GTF2H1: variants seen among roughly 807,000 people sequenced by gnomAD.
The protein encoded by GTF2H1 is BTF2 p62.
Under a neutral mutation model 71.2 loss-of-function variants are expected in GTF2H1, and 16 were observed. The observed-to-expected ratio is 0.22, with a 90% CI of 0.15 to 0.34. The LOEUF (loss-of-function observed/expected upper bound fraction) is 0.34, where lower values mean the gene tolerates loss of function less well. Among genes scored for constraint, GTF2H1 ranks in the 10% least tolerant of loss-of-function variants. The probability of loss-of-function intolerance (pLI) is 1.00; values close to 1 mark genes in which losing one functional copy is unlikely to be tolerated. For synonymous variants in GTF2H1, 215 were observed against 219.0 expected (o/e 0.98, Z 0.16); for missense variants, 498 against 648.2 (o/e 0.77, Z 2.52).
chr11:18,349,622 G>C (rs1231528882), intron 9 of GTF2H1, among the ~76,000 whole-genome samples: 2 of 152,204 alleles, frequency 1.3e-5, no homozygotes, highest in African/African-American at 4.8e-5. Context: ...GGCGGAGTTC[G>C]CAGTGAGCTG....
chr11:18,364,971 T>C (rs1329982140), intron 14 of GTF2H1, among the ~76,000 whole-genome samples: 3 of 151,398 alleles, frequency 2.0e-5, no homozygotes, highest in Non-Finnish European at 2.9e-5. Flanking sequence ...AGCTCACGCC[T>C]GTAATCCCAG....
In GTF2H1 at chr11:18,333,083, C is replaced by T. The variant is rs1864939319; in HGVS notation, c.9C>T (p.Thr3=). 3 of 1,610,318 alleles carry T rather than the reference C, an allele frequency of 1.9e-6. No homozygotes were observed. Among genetic ancestry groups the T allele is most frequent in the Admixed American group, 1.7e-5 (1 of 59,618 alleles). The change falls in exon 2 of 15, where the codon ACC becomes ACT. Residue 3 remains threonine (T), a synonymous_variant. Coordinates refer to ENST00000265963, the MANE Select transcript of GTF2H1 (RefSeq NM_005316.4). MA[T]SSEEVLLIVK... ...AGCACCTTCTAGCCACCATGGCAAC[C>T]TCATCTGAAGAAGTTTTGCTGATTG...
chr11:18,340,515 T>G (rs973370633), intron 5 of GTF2H1, among the ~76,000 whole-genome samples: 1 of 152,182 alleles, frequency 6.6e-6, no homozygotes, highest in Non-Finnish European at 1.5e-5. Flanking sequence ...CTTGAATTCC[T>G]GACCTCAAGT....
At chr11:18,358,780 C>G in intron 13 of GTF2H1, 140 bp downstream of exon 13, 1 of 597,278 alleles carries the variant, frequency 1.7e-6, no homozygotes, top group South Asian at 2.1e-5. Flanking sequence ...ATGTAAACCT[C>G]ACAGCATCTT....
chr11:18,351,772 G>C, intron 9 of GTF2H1, 109 bp from the exon 10 acceptor site: 1 of 620,380 alleles, frequency 1.6e-6, no homozygotes, highest in East Asian at 2.6e-5. Flanking sequence ...GAAGCTCATG[G>C]TGGGAAGACT....
chr11:18,341,640 AG>A, intron 7 of GTF2H1, 33 bp downstream of exon 7: 2 of 1,360,828 alleles, frequency 1.5e-6, no homozygotes, highest in Non-Finnish European at 2.0e-6. Flanking sequence ...TTGAGAGAAA[AG>A]AGTCTTTTCC....
chr11:18,362,692 A>G (rs1469732738), intron 14 of GTF2H1, among the ~76,000 whole-genome samples: 1 of 108,918 alleles, frequency 9.2e-6, no homozygotes, highest in African/African-American at 3.9e-5. Context: ...TTTTTTTGAG[A>G]TGGAGTCTAG....
At position 18,363,245 on chromosome 11, in the gene GTF2H1, G is replaced by A. The variant is rs140844608; in HGVS notation, c.1560+2538G>A. ...TTATATATATAAGTAGGAGTACACC[G>A]TAAATAATGATTTTAAAATACAGTA... On this transcript the variant is annotated intron_variant, in intron 14 of 14. Coordinates refer to ENST00000265963, the MANE Select transcript of GTF2H1 (RefSeq NM_005316.4). 3.2e-3 allele frequency among the ~76,000 whole-genome samples: 480 copies of A among 152,192 alleles called. 11 individuals carry two copies. The highest frequency in any genetic ancestry group is 0.029 in the Admixed American group (436 of 15,282).
intron 7 of GTF2H1, among the ~76,000 whole-genome samples, chr11:18,343,567 A>T (rs4150616): frequency 0.63 from 95,022 of 151,728 alleles, 31,152 homozygotes; most frequent in East Asian, 0.96. Context: ...AGATATGGGG[A>T]ACAGGGGAGG....
At chr11:18,326,111 C>G (rs1484449622) in intron 1 of GTF2H1, 4 of 152,220 alleles carry the variant, frequency 2.6e-5, no homozygotes, top group African/African-American at 9.6e-5. Context: ...ATTTACCAGG[C>G]AAATTAGCTG....
Position 18,333,098 on chromosome 11 carries a change from T to G in GTF2H1, c.24T>G (p.Val8=), listed in dbSNP as rs769876970. The G allele has an allele frequency of 1.2e-6, 2 of 1,611,864 alleles. No homozygotes were observed. Among genetic ancestry groups the G allele is most frequent in the Non-Finnish European group, 1.7e-6 (2 of 1,179,760 alleles). Residue 8 remains valine (V), a synonymous_variant, in exon 2 of 15, where the codon GTT becomes GTG. Coordinates refer to ENST00000265963, the MANE Select transcript of GTF2H1 (RefSeq NM_005316.4). ...CCATGGCAACCTCATCTGAAGAAGTTTTGCTGATTGTAAAGAAAGTGCGTC... is the reference window on the plus strand; with the variant it reads ...CCATGGCAACCTCATCTGAAGAAGTGTTGCTGATTGTAAAGAAAGTGCGTC... The part of the protein sequence containing the change: MATSSEE[V]LLIVKKVRQK...
At chr11:18,335,368 G>C (rs1373028164) in intron 2 of GTF2H1, among the ~76,000 whole-genome samples, 1 of 152,104 alleles carries the variant, frequency 6.6e-6, no homozygotes, top group Non-Finnish European at 1.5e-5. Flanking sequence ...GCAGTCTTTT[G>C]GATCATGATA....
At chr11:18,365,676 C>A (rs1865807154) in intron 14 of GTF2H1, 107 bp from the exon 15 acceptor site, 3 of 729,942 alleles carry the variant, frequency 4.1e-6, no homozygotes, top group Non-Finnish European at 7.4e-6. Context: ...TGGGGAAATA[C>A]AGAGGAGCTC....
At chr11:18,337,201 G>A (rs1865048651) in intron 3 of GTF2H1, among the ~76,000 whole-genome samples, 1 of 152,136 alleles carries the variant, frequency 6.6e-6, no homozygotes, top group South Asian at 2.1e-4. Context: ...GGCTGAGGTG[G>A]GTGGATCACT....
chr11:18,365,508 G>A (rs1292255816), intron 14 of GTF2H1, among the ~76,000 whole-genome samples: 1 of 152,202 alleles, frequency 6.6e-6, no homozygotes, highest in African/African-American at 2.4e-5. Context: ...GAGGCCTGGA[G>A]CACAATTGTG....
At position 18,362,617 on chromosome 11, in the gene GTF2H1, TTCTC is replaced by T. The variant is rs1027023462; in HGVS notation, c.1560+1921_1560+1924del. On this transcript the variant is annotated intron_variant, in intron 14 of 14. Coordinates refer to ENST00000265963, the MANE Select transcript of GTF2H1 (RefSeq NM_005316.4). Reference sequence around the variant, plus strand: ...ATTCTATAAGCCTTTCTCTCTCTCTTTCTCTCTCTCTCTCCCTCTCTCCGTATAG... The same window carrying T: ...ATTCTATAAGCCTTTCTCTCTCTCTTTCTCTCTCTCCCTCTCTCCGTATAG... Among the ~76,000 whole-genome samples the T allele has an allele frequency of 6.0e-5, 9 of 151,140 alleles. No individual in the cohort carries two copies. The South Asian group carries it at 1.3e-3, about 21-fold the overall frequency.
At chr11:18,345,499 CT>C (rs772599660) in intron 7 of GTF2H1, among the ~76,000 whole-genome samples, 348 of 134,918 alleles carry the variant, frequency 2.6e-3, no homozygotes, top group Middle Eastern at 0.015. Flanking sequence ...GCATATGGAT[CT>C]TTTTTTTTTT....
At chr11:18,338,794 A>G (rs1865091668) in intron 4 of GTF2H1, among the ~76,000 whole-genome samples, 1 of 152,076 alleles carries the variant, frequency 6.6e-6, no homozygotes, top group Admixed American at 6.6e-5. Context: ...TTTTAAATTT[A>G]TATTTCTTTT....
intron 3 of GTF2H1, among the ~76,000 whole-genome samples, chr11:18,336,952 C>T (rs921148058): frequency 3.4e-4 from 52 of 151,910 alleles, no homozygotes; most frequent in African/African-American, 1.2e-3. Flanking sequence ...GGTTTCACCA[C>T]GTTGGCCAGG....
Sources: gnomAD v4.1 joint callset for allele counts (sites outside exome capture counted in the v4.1 genomes callset) on GRCh38, gnomAD v4.1.1 for gene constraint, MANE v1.5 for transcripts, NCBI Gene and HGNC (gene_info 2026-07-23, HGNC 2026-07-21) for gene names.